The following NUP153 variants were observed in gnomAD, a reference collection of about 807,000 sequenced individuals.
The protein encoded by NUP153 is nucleoporin 153, also known as nuclear pore complex protein Nup153.
NUP153 carries 27 observed loss-of-function variants against 134.6 expected under a neutral mutation model. The ratio of observed to expected loss-of-function variants is 0.20; its 90% CI spans 0.15 to 0.28. NUP153 has a LOEUF of 0.28. NUP153 is among the 10% of genes least tolerant of loss of function. The pLI is 1.00. For synonymous variants in NUP153, 640 were observed against 623.5 expected, an observed-to-expected ratio of 1.03 and a Z score of -0.40; for missense variants, 1,821 against 1,731.3, an observed-to-expected ratio of 1.05 and a Z score of -0.92.
At position 17,650,789 on chromosome 6, in the gene NUP153, T is replaced by A. The variant is rs1405515163; in HGVS notation, c.1396-1489A>T. Among the ~76,000 whole-genome samples, 3 of 152,222 alleles carry A rather than the reference T, an allele frequency of 2.0e-5. No individual in the cohort carries two copies. In the East Asian group the frequency reaches 5.8e-4, roughly 29 times the overall value. On this transcript the variant is annotated intron_variant, in intron 11 of 21. Transcript: ENST00000262077. ...AATTTCCTTAAAATATATTTAACTATATAAAGCAAAAAGTACACATTGAAT... is the reference window on the plus strand; with the variant it reads ...AATTTCCTTAAAATATATTTAACTAAATAAAGCAAAAAGTACACATTGAAT...
At chr6:17,667,671 G>A (rs1407057970) in intron 8 of NUP153, among the ~76,000 whole-genome samples, 1 of 152,084 alleles carries the variant, frequency 6.6e-6, no homozygotes, top group African/African-American at 2.4e-5. Context: ...CTGCGACTGT[G>A]CCACTGCACA....
At chr6:17,677,645 A>C (rs1768299328) in intron 2 of NUP153, among the ~76,000 whole-genome samples, 1 of 151,492 alleles carries the variant, frequency 6.6e-6, no homozygotes, top group South Asian at 2.1e-4. Context: ...TTTGGTTCAG[A>C]TCTCCTTTAT....
chr6:17,651,158 T>G (rs1766474761), intron 11 of NUP153, among the ~76,000 whole-genome samples: 1 of 151,902 alleles, frequency 6.6e-6, no homozygotes, highest in Admixed American at 6.6e-5. Context: ...AACAAAAAAC[T>G]AGCCAGGTGC....
In NUP153 at chr6:17,680,615, T is replaced by C. The variant is rs941177864; in HGVS notation, c.335-4845A>G. Reference sequence around the variant, plus strand: ...ACAGGACTACATGAAATGTAAAAACTTTTATGCATCAAAGAATGTAATCAA... The same window carrying C: ...ACAGGACTACATGAAATGTAAAAACCTTTATGCATCAAAGAATGTAATCAA... On this transcript the variant is annotated intron_variant, in intron 2 of 21. Coordinates refer to ENST00000262077, the MANE Select transcript of NUP153 (RefSeq NM_005124.4). This position sits in a 1 kb window ranked among gnomAD's most constrained non-coding sequence, Gnocchi z 4.5. Among the ~76,000 whole-genome samples, 1 of 152,150 alleles carries C rather than the reference T, an allele frequency of 6.6e-6. No homozygotes were observed. Among genetic ancestry groups the C allele is most frequent in the African/African-American group, 2.4e-5 (1 of 41,436 alleles).
intron 16 of NUP153, among the ~76,000 whole-genome samples, chr6:17,635,104 C>CT (rs59700511): frequency 0.38 from 38,838 of 103,536 alleles, 7,963 homozygotes; most frequent in Middle Eastern, 0.61. Flanking sequence ...CTTGGCTTAT[C>CT]TTTTTTTTTT....
At position 17,641,650 on chromosome 6, in the gene NUP153, G is replaced by A. The variant is rs545849500; in HGVS notation, c.1721-1586C>T. On this transcript the variant is annotated intron_variant, in intron 14 of 21. Coordinates refer to ENST00000262077, the MANE Select transcript of NUP153 (RefSeq NM_005124.4). ...AGGCAGATCACGAGGTCAGGAGATCGAGACCACCCAGGCTAACATGGTGAA... is the reference window on the plus strand; with the variant it reads ...AGGCAGATCACGAGGTCAGGAGATCAAGACCACCCAGGCTAACATGGTGAA... Among the ~76,000 whole-genome samples, 13 of 152,234 alleles carry A rather than the reference G, an allele frequency of 8.5e-5. No individual in the cohort carries two copies. In the South Asian group the frequency reaches 1.4e-3, roughly 17 times the overall value.
chr6:17,689,399 C>A lies in NUP153; in HGVS notation c.112-781G>T, dbSNP rs1769143321. The stretch of plus-strand genomic sequence containing the variant: ...CAAAACTCCATCTCAAAAAACAAAA[C>A]AAAACAAATAAACAAACAAAAAAAA... On this transcript the variant is annotated intron_variant, in intron 1 of 21. Transcript: ENST00000262077. Among the ~76,000 whole-genome samples, 3 of 150,590 alleles carry A rather than the reference C, an allele frequency of 2.0e-5. No individual in the cohort carries two copies. The South Asian group carries it at 6.3e-4, about 31-fold the overall frequency.
Position 17,638,804 on chromosome 6 carries a change from C to T in NUP153, c.1847-1034G>A, listed in dbSNP as rs1367224306. ...ATACACATTTGAGGCTTGCCTACTA[C>T]TTGGTTAATTCCAGCACAAGCACTC... On this transcript the variant is annotated intron_variant, in intron 15 of 21. Coordinates refer to ENST00000262077, the MANE Select transcript of NUP153 (RefSeq NM_005124.4). The surrounding 1 kb of genome is among the most constrained non-coding windows in gnomAD (Gnocchi z 4.0). 6.6e-6 allele frequency among the ~76,000 whole-genome samples: 1 copy of T among 152,152 alleles called. No homozygotes were observed. Among genetic ancestry groups the T allele is most frequent in the Non-Finnish European group, 1.5e-5 (1 of 68,026 alleles).
chr6:17,702,076 TAAG>T (rs143849141), intron 1 of NUP153, among the ~76,000 whole-genome samples: 5,977 of 151,990 alleles, frequency 0.039, 354 homozygotes, highest in East Asian at 0.29. Context: ...TAGTGGTTAC[TAAG>T]AAAAGCAAGC....
At chr6:17,650,694 T>C (rs1428104042) in intron 11 of NUP153, among the ~76,000 whole-genome samples, 1 of 152,072 alleles carries the variant, frequency 6.6e-6, no homozygotes, top group African/African-American at 2.4e-5. Flanking sequence ...AAAGGAAATG[T>C]TACCAAATGA....
intron 1 of NUP153, among the ~76,000 whole-genome samples, chr6:17,699,470 G>C (rs1353443678): frequency 6.3e-5 from 8 of 127,698 alleles, no homozygotes; most frequent in Non-Finnish European, 1.3e-4. Flanking sequence ...GTGACAGGGC[G>C]AGACTCGTCT....
chr6:17,629,393 C>G lies in NUP153; in HGVS notation c.2806G>C (p.Val936Leu). 1 of 1,614,050 alleles carries G rather than the reference C, an allele frequency of 6.2e-7. No homozygotes were observed. Among genetic ancestry groups the G allele is most frequent in the South Asian group, 1.1e-5 (1 of 91,070 alleles). ...FGDQGGFKIG[V>L]SSDSGSINPM... ...TTTATAGACCCAGAATCGGATGACA[C>G]ACCTATTTTGAATCCTCCCTGATCT... Residue 936 changes from valine (V) to leucine (L), a missense_variant, in exon 18 of 22, where the codon GTG becomes CTG. Coordinates refer to ENST00000262077, the MANE Select transcript of NUP153 (RefSeq NM_005124.4).
At chr6:17,702,856 G>C (rs140621235) in intron 1 of NUP153, among the ~76,000 whole-genome samples, 1 of 137,188 alleles carries the variant, frequency 7.3e-6, no homozygotes, top group East Asian at 2.1e-4. Context: ...AGTTATTTGA[G>C]CAAGACAATG....
intron 1 of NUP153, among the ~76,000 whole-genome samples, chr6:17,694,415 TC>T (rs1769495587): frequency 6.6e-6 from 1 of 152,120 alleles, no homozygotes; most frequent in Non-Finnish European, 1.5e-5. Context: ...TCCCAGCACT[TC>T]CGGAGGCCGA....
Position 17,675,632 on chromosome 6 carries a change from A to C in NUP153, c.473T>G (p.Ile158Ser), listed in dbSNP as rs754906279. Residue 158 changes from isoleucine (I) to serine (S), a missense_variant, in exon 3 of 22, where the codon ATT (isoleucine) becomes AGT (serine). By Grantham distance (142) the Ile-to-Ser change is moderately radical. Coordinates refer to ENST00000262077, the MANE Select transcript of NUP153 (RefSeq NM_005124.4). This position sits in a 1 kb window ranked among gnomAD's most constrained non-coding sequence, Gnocchi z 4.4. The stretch of plus-strand genomic sequence containing the variant: ...TACAAGGGAAAATCCCGAACTGCCA[A>C]TTGGGAATGCCGAGGATGTAGATGG... ...CQPSTSSAFP[I>S]GSSGFSLVKE... 6.2e-7 allele frequency: 1 copy of C among 1,614,198 alleles called. No homozygotes were observed. Among genetic ancestry groups the C allele is most frequent in the Non-Finnish European group, 8.5e-7 (1 of 1,180,030 alleles).
In NUP153 at chr6:17,688,692, G is replaced by A; in HGVS notation, c.112-74C>T. On this transcript the variant is annotated intron_variant, in intron 1 of 21. Coordinates refer to ENST00000262077, the MANE Select transcript of NUP153 (RefSeq NM_005124.4). ...TAAAATAAGTACCTACTCACTGAAA[G>A]CCAGGCCAAGCAAAACACAATGGTG... The A allele has an allele frequency of 3.4e-6, 4 of 1,164,230 alleles. No homozygotes were observed. The South Asian group carries it at 4.3e-5, about 13-fold the overall frequency. 72.1% of individuals were successfully genotyped at this position (1,164,230 alleles called of 1,614,324 possible).
At chr6:17,663,260 C>CACACATATATAT (rs1389702878) in intron 9 of NUP153, among the ~76,000 whole-genome samples, 55 of 140,080 alleles carry the variant, frequency 3.9e-4, no homozygotes, top group Non-Finnish European at 7.1e-4. Flanking sequence ...CACACACACA[C>CACACATATATAT]ATATATATAT....
intron 1 of NUP153, among the ~76,000 whole-genome samples, chr6:17,694,240 A>C (rs1475572892): frequency 1.3e-5 from 2 of 152,230 alleles, no homozygotes; most frequent in Non-Finnish European, 2.9e-5. Context: ...TGATTGAATG[A>C]AGAATAGTAA....
chr6:17,628,828 T>A lies in NUP153; in HGVS notation c.3371A>T (p.Asn1124Ile). ...TSLVFGKKAD[N>I]EEPKCQPVFS... ...CACTGGTTGACACTTTGGCTCTTCA[T>A]TGTCAGCTTTCTTCCCAAAAACTAG... The change falls in exon 18 of 22, where the codon AAT becomes ATT. Residue 1124 changes from asparagine (N) to isoleucine (I), a missense_variant. Coordinates refer to ENST00000262077, the MANE Select transcript of NUP153 (RefSeq NM_005124.4). This position sits in a 1 kb window ranked among gnomAD's most constrained non-coding sequence, Gnocchi z 5.4. 1 of 1,614,220 alleles carries A rather than the reference T, an allele frequency of 6.2e-7. No individual in the cohort carries two copies. Among genetic ancestry groups the A allele is most frequent in the Non-Finnish European group, 8.5e-7 (1 of 1,180,038 alleles).
Sources: allele counts gnomAD v4.1 joint callset (sites outside exome capture counted in the v4.1 genomes callset), GRCh38; gene constraint gnomAD v4.1.1; non-coding constraint Gnocchi (gnomAD v3.1); transcripts MANE v1.5; gene names NCBI Gene and HGNC (gene_info 2026-07-23, HGNC 2026-07-21).